Variants in PDE4D observed in about 807,000 individuals in gnomAD.
The protein encoded by PDE4D is 3',5'-cyclic-AMP phosphodiesterase 4D.
In PDE4D, 24 loss-of-function variants were observed where a neutral mutation model predicts 87.4. That is an observed-to-expected ratio of 0.27 (90% CI 0.20 to 0.39). PDE4D has a LOEUF of 0.39. Ranked by LOEUF, PDE4D falls within the 10% of genes least tolerant of loss-of-function variation. The pLI is 1.00. For missense variants in PDE4D, 714 were observed against 1,041.0 expected (o/e 0.69, Z 4.32); for synonymous variants, 384 against 383.2 (o/e 1.00, Z -0.02).
chr5:59,491,655 T>C (rs1180390249), intron 1 of PDE4D, among the ~76,000 whole-genome samples: 1 of 152,198 alleles, frequency 6.6e-6, no homozygotes, highest in Non-Finnish European at 1.5e-5. Context: ...CACCATACTT[T>C]CAATGTCACT....
intron 1 of PDE4D, among the ~76,000 whole-genome samples, chr5:60,508,207 C>T (rs1018092602): frequency 6.6e-6 from 1 of 152,182 alleles, no homozygotes; most frequent in Non-Finnish European, 1.5e-5. Context: ...CGTTGGGTTC[C>T]TTGTTGTTCA....
Position 59,940,419 on chromosome 5 carries a change from G to A in PDE4D, c.272+48069C>T, listed in dbSNP as rs560568134. 1.7e-4 allele frequency among the ~76,000 whole-genome samples: 26 copies of A among 152,216 alleles called. No individual in the cohort carries two copies. In the South Asian group the frequency reaches 5.2e-3, roughly 30 times the overall value. ...GCAGTAATCCATGTGAGAGATGATGGCAGATTACACTACAGTACTGGTGGT... is the reference window on the plus strand; with the variant it reads ...GCAGTAATCCATGTGAGAGATGATGACAGATTACACTACAGTACTGGTGGT... On this transcript the variant is annotated intron_variant, in intron 3 of 16. Coordinates refer to the PDE4D transcript ENST00000502484.
chr5:60,353,099 G>C (rs1759338445), intron 1 of PDE4D, among the ~76,000 whole-genome samples: 1 of 152,174 alleles, frequency 6.6e-6, no homozygotes, highest in African/African-American at 2.4e-5. Flanking sequence ...TTCAGAAATA[G>C]TTCCCAAGCA....
intron 1 of PDE4D, among the ~76,000 whole-genome samples, chr5:60,240,847 T>C (rs997677248): frequency 1.3e-5 from 2 of 152,130 alleles, no homozygotes; most frequent in African/African-American, 4.8e-5. Flanking sequence ...GATGCAGATA[T>C]GGCTTAGATC....
chr5:59,369,223 A>G (rs1370473404), intron 1 of PDE4D, among the ~76,000 whole-genome samples: 1 of 151,716 alleles, frequency 6.6e-6, no homozygotes, highest in Non-Finnish European at 1.5e-5. Flanking sequence ...AAGGACGGTA[A>G]CAAGTCTGTG....
rs1301256154 is a variant in PDE4D, at chr5:60,197,258, C to A, written c.-89-11571G>T. Among the ~76,000 whole-genome samples, 2 of 151,482 alleles carry A rather than the reference C, an allele frequency of 1.3e-5. 1 individual carries two copies. The highest frequency in any genetic ancestry group is 3.0e-5 in the Non-Finnish European group (2 of 67,690). On this transcript the variant is annotated intron_variant, in intron 1 of 16. Transcript: ENST00000502484. ...AGCTTTCTCAATCTGAGCTATAGAA[C>A]CAAAATTATTATCTCTGGGTAATTA...
chr5:59,006,265 T>C (rs1307182947), intron 6 of PDE4D, among the ~76,000 whole-genome samples: 2 of 152,170 alleles, frequency 1.3e-5, no homozygotes, highest in Non-Finnish European at 2.9e-5. Context: ...TTTGTTGAAA[T>C]AGAAAAAATA....
At chr5:60,399,187 G>T (rs556861991) in intron 1 of PDE4D, among the ~76,000 whole-genome samples, 1 of 152,250 alleles carries the variant, frequency 6.6e-6, no homozygotes, top group East Asian at 1.9e-4. Flanking sequence ...TGGGGTGGGG[G>T]TGTGACAGAG....
At chr5:59,965,062 C>T (rs970779885) in intron 3 of PDE4D, among the ~76,000 whole-genome samples, 1 of 152,146 alleles carries the variant, frequency 6.6e-6, no homozygotes, top group Non-Finnish European at 1.5e-5. Flanking sequence ...CATCTGTGCC[C>T]ATATACTCTA....
chr5:59,046,382 G>T (rs1760669403), intron 5 of PDE4D, among the ~76,000 whole-genome samples: 1 of 151,518 alleles, frequency 6.6e-6, no homozygotes, highest in Admixed American at 6.6e-5. Context: ...GTGTGTGCAT[G>T]TATGTAAGGG....
intron 2 of PDE4D, among the ~76,000 whole-genome samples, chr5:59,200,247 C>T (rs1331291864): frequency 2.2e-5 from 3 of 137,662 alleles, no homozygotes; most frequent in Non-Finnish European, 4.7e-5. Context: ...GTATGTACAG[C>T]TACACGTATA....
At chr5:59,935,946 T>A (rs960268079) in intron 3 of PDE4D, among the ~76,000 whole-genome samples, 3 of 152,190 alleles carry the variant, frequency 2.0e-5, no homozygotes, top group Non-Finnish European at 4.4e-5. Flanking sequence ...TAGCAGCATG[T>A]TTTATAATCC....
At chr5:59,925,809 A>G (rs967839501) in intron 3 of PDE4D, among the ~76,000 whole-genome samples, 3 of 152,258 alleles carry the variant, frequency 2.0e-5, no homozygotes, top group African/African-American at 7.2e-5. Context: ...ATTCAGCAAG[A>G]AGATATAAGA....
chr5:59,854,284 T>C (rs972020056), intron 1 of PDE4D, among the ~76,000 whole-genome samples: 1 of 125,636 alleles, frequency 8.0e-6, no homozygotes, highest in Non-Finnish European at 1.5e-5. Flanking sequence ...TATCTTGACA[T>C]TTTTTACATG....
chr5:60,518,045 A>G (rs181950210), intron 1 of PDE4D, among the ~76,000 whole-genome samples: 5 of 152,274 alleles, frequency 3.3e-5, no homozygotes, highest in Admixed American at 2.6e-4. Context: ...GCACCACCAC[A>G]TTCCCGGGTG....
intron 6 of PDE4D, among the ~76,000 whole-genome samples, chr5:59,000,213 C>T (rs2153352496): frequency 6.6e-6 from 1 of 152,318 alleles, no homozygotes; most frequent in East Asian, 1.9e-4. Context: ...CCTCAAAATT[C>T]GTAGTTCATT....
In PDE4D at chr5:58,971,896, A is replaced by T. The variant is rs702531; in HGVS notation, c.*2768T>A. 2.0e-5 allele frequency: 3 copies of T among 152,290 alleles called. No individual in the cohort carries two copies. The highest frequency in any genetic ancestry group is 2.9e-5 in the Non-Finnish European group (2 of 67,960). 9.4% of individuals were successfully genotyped at this position (152,290 alleles called of 1,614,324 possible). Reference sequence around the variant, plus strand: ...GCAAGAGAGAAGGGCAAGGATAAGCAGATTGTACAGTGCATTAGTCCCTGT... The same window carrying T: ...GCAAGAGAGAAGGGCAAGGATAAGCTGATTGTACAGTGCATTAGTCCCTGT... On this transcript the variant is annotated 3_prime_UTR_variant, in exon 15 of 15. Coordinates refer to ENST00000340635, the MANE Select transcript of PDE4D (RefSeq NM_001104631.2).
At chr5:59,310,173 CA>C (rs1178908900) in intron 1 of PDE4D, among the ~76,000 whole-genome samples, 1 of 152,164 alleles carries the variant, frequency 6.6e-6, no homozygotes, top group African/African-American at 2.4e-5. Context: ...CTAGGCCATT[CA>C]AAGACTGGAG....
At chr5:59,093,644 C>T (rs62356691) in intron 5 of PDE4D, among the ~76,000 whole-genome samples, 33,230 of 152,154 alleles carry the variant, frequency 0.22, 4,536 homozygotes, top group Middle Eastern at 0.33. Context: ...GAGCCCTATC[C>T]ATGATCACAG....
Sources: gnomAD v4.1 joint callset for allele counts (sites outside exome capture counted in the v4.1 genomes callset) on GRCh38, gnomAD v4.1.1 for gene constraint, MANE v1.5 for transcripts, NCBI Gene and HGNC (gene_info 2026-07-23, HGNC 2026-07-21) for gene names.